The following ALB variants were observed in gnomAD, a reference collection of about 807,000 sequenced individuals.
ALB encodes the protein albumin, also known as serum albumin.
Under a neutral mutation model 74.5 loss-of-function variants are expected in ALB, and 37 were observed. The observed-to-expected ratio is 0.50, with a 90% CI of 0.38 to 0.65. The LOEUF (loss-of-function observed/expected upper bound fraction) is 0.65. ALB is among the 30% of genes least tolerant of loss of function. The probability of loss-of-function intolerance (pLI) is 0.00; values close to 1 mark genes in which losing one functional copy is unlikely to be tolerated. For synonymous variants in ALB, 249 were observed against 251.6 expected, an observed-to-expected ratio of 0.99 and a Z score of 0.10; for missense variants, 685 against 718.7, an observed-to-expected ratio of 0.95 and a Z score of 0.54.
rs568024518 is a variant in ALB, at chr4:73,421,355, G to A, written c.*287G>A. The A allele has an allele frequency of 1.1e-4, 39 of 342,374 alleles. No individual in the cohort carries two copies. Among genetic ancestry groups the A allele is most frequent in the African/African-American group, 4.6e-4 (22 of 47,540 alleles). The allele number at this position is 342,374 out of a possible 1,614,324, so 21.2% of individuals were successfully genotyped here. ...CCAGTGTTCTCTCTTATTCCACTTC[G>A]GTAGAGGATTTCTAGTTTCTTGTGG... is the stretch of plus-strand genomic sequence containing the variant. On this transcript the variant is annotated 3_prime_UTR_variant, in exon 15 of 15. Coordinates refer to ENST00000295897, the MANE Select transcript of ALB (RefSeq NM_000477.7).
chr4:73,409,357 A>G lies in ALB; in HGVS notation c.485A>G (p.Tyr162Cys). 5 of 1,613,490 alleles carry G rather than the reference A, an allele frequency of 3.1e-6. No homozygotes were observed. Among genetic ancestry groups the G allele is most frequent in the Non-Finnish European group, 4.2e-6 (5 of 1,179,542 alleles). The change falls in exon 5 of 15, where the codon TAC (tyrosine) becomes TGC (cysteine). Residue 162 changes from tyrosine to cysteine, a missense_variant and splice_region_variant. Transcript: ENST00000295897. ...TGTTTTTCTTTTTCAAAATTTAGAT[A>G]CTTATATGAAATTGCCAGAAGACAT... ...HDNEETFLKKYLYEIARRHPY... is the reference protein window; with the variant it reads ...HDNEETFLKKCLYEIARRHPY...
At position 73,405,136 on chromosome 4, in the gene ALB, C is replaced by A. The variant is rs370864791; in HGVS notation, c.100C>A (p.Arg34=). 46 of 1,613,500 alleles carry A rather than the reference C, an allele frequency of 2.9e-5. No homozygotes were observed. Among genetic ancestry groups the A allele is most frequent in the Non-Finnish European group, 3.7e-5 (44 of 1,179,756 alleles). The change falls in exon 2 of 15, where the codon CGG becomes AGG. Residue 34 remains arginine (R), a synonymous_variant. Coordinates refer to ENST00000295897, the MANE Select transcript of ALB (RefSeq NM_000477.7). Reference sequence around the variant, plus strand: ...CCCAGACAAGAGTGAGGTTGCTCATCGGTTTAAAGATTTGGGAGAAGAAAA... The same window carrying A: ...CCCAGACAAGAGTGAGGTTGCTCATAGGTTTAAAGATTTGGGAGAAGAAAA... ...RDAHKSEVAH[R]FKDLGEENFK...
chr4:73,408,538 G>T, intron 3 of ALB, 56 bp from the exon 4 acceptor site: 4 of 1,455,132 alleles, frequency 2.7e-6, no homozygotes, highest in Non-Finnish European at 3.8e-6. Context: ...ACTGTTCTTT[G>T]GCTATAAAGA....
At chr4:73,420,914 C>A in intron 14 of ALB, 178 bp from the exon 15 acceptor site, 1 of 498,466 alleles carries the variant, frequency 2.0e-6, no homozygotes, top group Non-Finnish European at 3.5e-6. Flanking sequence ...ATTGGTGTGT[C>A]CCCTTGCCTA....
chr4:73,417,767 G>A (rs1211548483), intron 11 of ALB, 98 bp downstream of exon 11: 2 of 1,161,374 alleles, frequency 1.7e-6, no homozygotes, highest in East Asian at 2.6e-5. Context: ...AGTAATGTGT[G>A]TGTGTGCATG....
chr4:73,413,333 A>G, intron 7 of ALB, 87 bp from the exon 8 acceptor site: 3 of 1,221,984 alleles, frequency 2.5e-6, no homozygotes, highest in South Asian at 1.2e-5. Context: ...AATACAATGA[A>G]TATGTTCTGC....
At chr4:73,409,581 A>C in intron 5 of ALB, 94 bp downstream of exon 5, 1 of 1,490,728 alleles carries the variant, frequency 6.7e-7, no homozygotes, top group Non-Finnish European at 9.3e-7. Context: ...TGTCTGATAC[A>C]AACTTTCCGA....
At chr4:73,417,849 A>AT (rs1719053643) in intron 11 of ALB, among the ~76,000 whole-genome samples, 180 bp downstream of exon 11, 42 of 151,174 alleles carry the variant, frequency 2.8e-4, no homozygotes, top group Admixed American at 2.6e-3. Context: ...CGAGGATGAT[A>AT]ATTTTTTTTT....
rs1265973752 is a variant in ALB, at chr4:73,421,079, T to C, written c.*24-13T>C. ...TTACAAATAAGACTTATATTTGTCCTTTTGTTTTTCAGCCTACCATGAGAA... is the reference window on the plus strand; with the variant it reads ...TTACAAATAAGACTTATATTTGTCCCTTTGTTTTTCAGCCTACCATGAGAA... On this transcript the variant is annotated splice_polypyrimidine_tract_variant and intron_variant, in intron 14 of 14. Coordinates refer to ENST00000295897, the MANE Select transcript of ALB (RefSeq NM_000477.7). 1.5e-6 allele frequency: 1 copy of C among 689,428 alleles called. No individual in the cohort carries two copies. The highest frequency in any genetic ancestry group is 2.7e-5 in the East Asian group (1 of 36,888). The allele number at this position is 689,428 out of a possible 1,614,324, so 42.7% of individuals were successfully genotyped here. A position where few individuals can be genotyped will look rare whatever the true frequency, so the allele number is the denominator to read the frequency against.
At chr4:73,408,932 A>AT in intron 4 of ALB, 127 bp downstream of exon 4, 1 of 886,708 alleles carries the variant, frequency 1.1e-6, no homozygotes, top group Non-Finnish European at 1.7e-6. Context: ...TGTTATGATG[A>AT]TTTTTTAAAG....
intron 9 of ALB, among the ~76,000 whole-genome samples, chr4:73,415,796 A>C (rs998230038): frequency 6.6e-6 from 1 of 152,178 alleles, no homozygotes; most frequent in Non-Finnish European, 1.5e-5. Context: ...AGAGCCTGGA[A>C]TCTAACTGGA....
chr4:73,404,543 T>C (rs750272107), intron 1 of ALB, 137 bp downstream of exon 1: 11 of 719,552 alleles, frequency 1.5e-5, no homozygotes, highest in Non-Finnish European at 2.4e-5. Context: ...ATTTGTGAAG[T>C]CTTACAAGGT....
In ALB at chr4:73,421,088, T is replaced by A; in HGVS notation, c.*24-4T>A. 1 of 690,582 alleles carries A rather than the reference T, an allele frequency of 1.4e-6. No homozygotes were observed. The highest frequency in any genetic ancestry group is 2.6e-6 in the Non-Finnish European group (1 of 380,752). The allele number at this position is 690,582 out of a possible 1,614,324, so 42.8% of individuals were successfully genotyped here. ...AGACTTATATTTGTCCTTTTGTTTT[T>A]CAGCCTACCATGAGAATAAGAGAAA... On this transcript the variant is annotated splice_region_variant and splice_polypyrimidine_tract_variant and intron_variant, in intron 14 of 14. Coordinates refer to ENST00000295897, the MANE Select transcript of ALB (RefSeq NM_000477.7).
At chr4:73,409,272 T>C in intron 4 of ALB, 83 bp from the exon 5 acceptor site, 1 of 1,471,670 alleles carries the variant, frequency 6.8e-7, no homozygotes. Flanking sequence ...AATTTGGAGG[T>C]TCTGGGGAGA....
chr4:73,412,333 A>G, intron 7 of ALB: 1 of 617,864 alleles, frequency 1.6e-6, no homozygotes, highest in Non-Finnish European at 2.9e-6. Flanking sequence ...CCATTCACTG[A>G]TTTGTAACTC....
chr4:73,415,184 A>G lies in ALB; in HGVS notation c.1191+17A>G. 1.2e-6 allele frequency: 2 copies of G among 1,613,462 alleles called. No homozygotes were observed. Among genetic ancestry groups the G allele is most frequent in the South Asian group, 2.2e-5 (2 of 91,062 alleles). On this transcript the variant is annotated intron_variant, in intron 9 of 14. Transcript: ENST00000295897. ...GCCAAAGTGGTAGGTTTATTGTTGGAAAAAAATGTAGTTCTTTGACTGATG... is the reference window on the plus strand; with the variant it reads ...GCCAAAGTGGTAGGTTTATTGTTGGGAAAAAATGTAGTTCTTTGACTGATG...
rs752327962 is a variant in ALB, at chr4:73,421,111, A to G, written c.*43A>G. The G allele has an allele frequency of 4.2e-5, 29 of 694,074 alleles. No individual in the cohort carries two copies. Among genetic ancestry groups the G allele is most frequent in the South Asian group, 3.8e-4 (25 of 65,794 alleles). 43.0% of individuals were successfully genotyped at this position (694,074 alleles called of 1,614,324 possible). On this transcript the variant is annotated 3_prime_UTR_variant, in exon 15 of 15. Coordinates refer to ENST00000295897, the MANE Select transcript of ALB (RefSeq NM_000477.7). Reference sequence around the variant, plus strand: ...TTTCAGCCTACCATGAGAATAAGAGAAAGAAAATGAAGATCAAAAGCTTAT... The same window carrying G: ...TTTCAGCCTACCATGAGAATAAGAGGAAGAAAATGAAGATCAAAAGCTTAT...
rs1190471312 is a variant in ALB at position 73,412,377 on chromosome 4, TAAACTGA to T, written c.843+254_843+260del. 5.7e-6 allele frequency: 3 copies of T among 528,088 alleles called. No homozygotes were observed. The African/African-American group carries it at 5.7e-5, about 10-fold the overall frequency. 32.7% of individuals were successfully genotyped at this position (528,088 alleles called of 1,614,324 possible). Reference sequence around the variant, plus strand: ...CATGCTCTAACTGTAAATGAAGGCTTAAACTGAAGTAGAACAGTTACAAGGTTTTACT... The same window carrying T: ...CATGCTCTAACTGTAAATGAAGGCTTAGTAGAACAGTTACAAGGTTTTACT... On this transcript the variant is annotated intron_variant, in intron 7 of 14. Coordinates refer to ENST00000295897, the MANE Select transcript of ALB (RefSeq NM_000477.7).
chr4:73,420,405 A>G lies in ALB; in HGVS notation c.*23+84A>G, dbSNP rs141701212. 1.6e-3 allele frequency: 1,410 copies of G among 904,784 alleles called. 12 individuals carry two copies. Among genetic ancestry groups the G allele is most frequent in the Middle Eastern group, 0.016 (47 of 3,030 alleles). 56.0% of individuals were successfully genotyped at this position (904,784 alleles called of 1,614,324 possible). A position where few individuals can be genotyped will look rare whatever the true frequency, so the allele number is the denominator to read the frequency against. On this transcript the variant is annotated intron_variant, in intron 14 of 14. Coordinates refer to ENST00000295897, the MANE Select transcript of ALB (RefSeq NM_000477.7). ...AAGATTGACCATTTCCAAGAGCCATATAGACCAGCACCGACCACTATTCTA... is the reference window on the plus strand; with the variant it reads ...AAGATTGACCATTTCCAAGAGCCATGTAGACCAGCACCGACCACTATTCTA...
Sources: allele counts gnomAD v4.1 joint callset (sites outside exome capture counted in the v4.1 genomes callset), GRCh38; gene constraint gnomAD v4.1.1; transcripts MANE v1.5; gene names NCBI Gene and HGNC (gene_info 2026-07-23, HGNC 2026-07-21).